Variants in DLC1 observed in about 807,000 individuals in gnomAD.
DLC1 encodes DLC1 Rho GTPase activating protein.
Under a neutral mutation model 140.3 loss-of-function variants are expected in DLC1, and 54 were observed. The observed-to-expected ratio is 0.38, with a 90% confidence interval of 0.31 to 0.48. DLC1 has a LOEUF of 0.48. Ranked by LOEUF, DLC1 falls within the 20% of genes least tolerant of loss-of-function variation. The pLI, the probability that DLC1 is intolerant of heterozygous loss-of-function variation, is 0.96. For missense variants in DLC1, 2,536 were observed against 1,907.0 expected (o/e 1.33, Z -6.14); for synonymous variants, 986 against 728.1 (o/e 1.35, Z -5.70).
At chr8:13,565,988 G>A (rs1180296778) in intron 1 of DLC1, among the ~76,000 whole-genome samples, 1 of 152,142 alleles carries the variant, frequency 6.6e-6, no homozygotes, top group Non-Finnish European at 1.5e-5. Flanking sequence ...TCCTCTGGAC[G>A]TGTGTAAGGT....
chr8:13,265,952 A>T (rs1376238094), intron 5 of DLC1, among the ~76,000 whole-genome samples: 1 of 152,184 alleles, frequency 6.6e-6, no homozygotes, highest in African/African-American at 2.4e-5. Flanking sequence ...TGACATAATT[A>T]TTCTGCTGTT....
intron 2 of DLC1, among the ~76,000 whole-genome samples, chr8:13,491,509 G>A (rs1223364223): frequency 6.6e-6 from 1 of 152,116 alleles, no homozygotes; most frequent in African/African-American, 2.4e-5. Context: ...AAATATACGT[G>A]AATGGATATT....
chr8:13,318,663 G>A (rs903628841), intron 4 of DLC1, among the ~76,000 whole-genome samples: 1 of 152,186 alleles, frequency 6.6e-6, no homozygotes, highest in Non-Finnish European at 1.5e-5. Context: ...CACCTAGTTG[G>A]AACATGGGCT....
At chr8:13,295,235 A>C (rs896272648) in intron 5 of DLC1, among the ~76,000 whole-genome samples, 2 of 152,232 alleles carry the variant, frequency 1.3e-5, no homozygotes, top group African/African-American at 4.8e-5. Context: ...TTACATTAAC[A>C]AGAAGTTTAT....
At chr8:13,505,216 A>T (rs1216018065) in intron 1 of DLC1, among the ~76,000 whole-genome samples, 1 of 152,212 alleles carries the variant, frequency 6.6e-6, no homozygotes, top group East Asian at 1.9e-4. Flanking sequence ...CATTAAATTA[A>T]CCAAAACATA....
chr8:13,438,583 T>C (rs1217900354), intron 2 of DLC1, among the ~76,000 whole-genome samples: 1 of 152,160 alleles, frequency 6.6e-6, no homozygotes, highest in Non-Finnish European at 1.5e-5. Flanking sequence ...CCTCATCTCC[T>C]ACCACCCACG....
At chr8:13,089,989 T>C (rs145921132) in intron 15 of DLC1, among the ~76,000 whole-genome samples, 4 of 152,276 alleles carry the variant, frequency 2.6e-5, no homozygotes, top group African/African-American at 9.6e-5. Flanking sequence ...TAGGGAAGTC[T>C]AGTGTGATTC....
At chr8:13,450,330 C>G (rs1470634717) in intron 2 of DLC1, among the ~76,000 whole-genome samples, 2 of 151,000 alleles carry the variant, frequency 1.3e-5, no homozygotes, top group African/African-American at 4.9e-5. Flanking sequence ...TGGCGGGTGA[C>G]TGTAATCCTA....
intron 4 of DLC1, among the ~76,000 whole-genome samples, chr8:13,306,179 C>T (rs1832416767): frequency 6.6e-6 from 1 of 152,094 alleles, no homozygotes; most frequent in Admixed American, 6.5e-5. Flanking sequence ...GGGCCTTGGT[C>T]CAGTGGGTTA....
Position 13,468,811 on chromosome 8 carries a change from C to CTTTTTTTTTTTTTTTTTTTTTTTTTT in DLC1, c.1023+30212_1023+30237dup, listed in dbSNP as rs78775803. Among the ~76,000 whole-genome samples the CTTTTTTTTTTTTTTTTTTTTTTTTTT allele has an allele frequency of 1.3e-4, 12 of 89,956 alleles. 3 individuals are homozygous for CTTTTTTTTTTTTTTTTTTTTTTTTTT. The highest frequency in any genetic ancestry group is 4.4e-4 in the Admixed American group (3 of 6,762). The allele number at this position is 89,956 out of a possible 152,430, so 59.0% of individuals were successfully genotyped here. On this transcript the variant is annotated intron_variant, in intron 2 of 17. Transcript: ENST00000276297. ...GTTGATTCTCCCAATTTTATGTCTG[C>CTTTTTTTTTTTTTTTTTTTTTTTTTT]TTTTTTTTTTTTTTTTTTTTTTTTT... is the stretch of plus-strand genomic sequence containing the variant.
rs372173320 is a variant in DLC1, at chr8:13,154,761, T to C, written c.1349-39104A>G. Among the ~76,000 whole-genome samples the C allele has an allele frequency of 1.2e-4, 19 of 152,306 alleles. No homozygotes were observed. The East Asian group carries it at 3.1e-3, about 25-fold the overall frequency. ...AGCATGTTGTCACCTCTCAATACTTTATTGCACACTCATATTTAATGTAAA... is the reference window on the plus strand; with the variant it reads ...AGCATGTTGTCACCTCTCAATACTTCATTGCACACTCATATTTAATGTAAA... On this transcript the variant is annotated intron_variant, in intron 5 of 17. Coordinates refer to ENST00000276297, the MANE Select transcript of DLC1 (RefSeq NM_182643.3).
intron 1 of DLC1, among the ~76,000 whole-genome samples, chr8:13,549,063 T>A (rs567410606): frequency 1.3e-5 from 2 of 152,130 alleles, no homozygotes; most frequent in East Asian, 3.9e-4. Context: ...TGACCAACTA[T>A]ATTAAAAGTC....
At chr8:13,560,923 T>C (rs1166642402) in intron 1 of DLC1, among the ~76,000 whole-genome samples, 1 of 152,012 alleles carries the variant, frequency 6.6e-6, no homozygotes, top group Admixed American at 6.6e-5. Flanking sequence ...ACTGATGCCT[T>C]GATTTCAGTG....
At chr8:13,095,790 G>C (rs1357883912) in intron 10 of DLC1, 1 of 154,002 alleles carries the variant, frequency 6.5e-6, no homozygotes, top group Non-Finnish European at 1.4e-5. Flanking sequence ...AAGCATTTAG[G>C]GTCAAAAGGC....
intron 2 of DLC1, among the ~76,000 whole-genome samples, chr8:13,466,948 CAA>C (rs57006330): frequency 8.7e-5 from 5 of 57,238 alleles, no homozygotes; most frequent in South Asian, 5.0e-4. Flanking sequence ...TACTATTTCA[CAA>C]AAAAAAAACC....
At chr8:13,089,349 A>C (rs686824) in intron 15 of DLC1, among the ~76,000 whole-genome samples, 133,718 of 151,898 alleles carry the variant, frequency 0.88, 58,906 homozygotes, top group South Asian at 0.95. Flanking sequence ...AGTCACTGGC[A>C]GGGCATGGTG....
intron 5 of DLC1, among the ~76,000 whole-genome samples, chr8:13,226,185 A>G (rs1377581427): frequency 2.6e-5 from 4 of 152,216 alleles, no homozygotes; most frequent in African/African-American, 7.2e-5. Context: ...AAGTGCTGGC[A>G]TAACAGGAAT....
chr8:13,397,977 A>G (rs1280626889), intron 3 of DLC1, among the ~76,000 whole-genome samples: 1 of 151,974 alleles, frequency 6.6e-6, no homozygotes, highest in Non-Finnish European at 1.5e-5. Context: ...CTGAAAATTC[A>G]AAAATTAGCT....
chr8:13,176,464 A>G (rs570808399), intron 5 of DLC1, among the ~76,000 whole-genome samples: 1 of 152,174 alleles, frequency 6.6e-6, no homozygotes, highest in Non-Finnish European at 1.5e-5. Context: ...CTGTAGTCCC[A>G]GCTACTCTGG....
Sources: allele counts gnomAD v4.1 joint callset (sites outside exome capture counted in the v4.1 genomes callset), GRCh38; gene constraint gnomAD v4.1.1; transcripts MANE v1.5; gene names NCBI Gene and HGNC (gene_info 2026-07-23, HGNC 2026-07-21).